Variants in ZFHX3 observed in about 807,000 individuals in gnomAD.
ZFHX3 encodes the protein zinc finger homeobox 3, also known as zinc finger homeobox protein 3.
A neutral mutation model predicts 279.1 loss-of-function variants in ZFHX3; 42 were observed. The observed-to-expected ratio is 0.15, with a 90% CI of 0.12 to 0.19. ZFHX3 has a LOEUF of 0.19. Among genes scored for constraint, ZFHX3 ranks in the 10% least tolerant of loss-of-function variants. ZFHX3 has a pLI of 1.00. For missense variants in ZFHX3, 4,981 were observed against 4,754.0 expected (o/e 1.05, Z -1.40); for synonymous variants, 2,293 against 1,957.8 (o/e 1.17, Z -4.52).
intron 4 of ZFHX3, among the ~76,000 whole-genome samples, chr16:72,874,274 T>C (rs2038247343): frequency 7.0e-6 from 1 of 143,326 alleles, no homozygotes. Context: ...TGGCACAATC[T>C]CGGCTCGCTG....
intron 3 of ZFHX3, among the ~76,000 whole-genome samples, chr16:72,895,280 A>G (rs532948786): frequency 1.1e-4 from 16 of 152,304 alleles, no homozygotes; most frequent in African/African-American, 3.8e-4. Flanking sequence ...CTGTTTTGAG[A>G]ATATACTTCC....
At chr16:73,596,797 C>T (rs1368891393) in intron 2 of ZFHX3, among the ~76,000 whole-genome samples, 2 of 152,162 alleles carry the variant, frequency 1.3e-5, no homozygotes, top group Admixed American at 1.3e-4. Flanking sequence ...CTATAACTCA[C>T]TATGCTATTT....
intron 1 of ZFHX3, among the ~76,000 whole-genome samples, chr16:73,851,416 C>G (rs980569715): frequency 6.6e-6 from 1 of 152,210 alleles, no homozygotes; most frequent in Non-Finnish European, 1.5e-5. Flanking sequence ...CCTTGGAAAG[C>G]ATACCGACTT....
At chr16:73,140,138 C>T (rs547708080) in intron 6 of ZFHX3, among the ~76,000 whole-genome samples, 26 of 152,140 alleles carry the variant, frequency 1.7e-4, no homozygotes, top group Middle Eastern at 6.8e-3. Flanking sequence ...ATGGTGGGCA[C>T]GTGCCTGTAT....
chr16:73,472,181 A>C (rs907697349), intron 2 of ZFHX3, among the ~76,000 whole-genome samples: 1 of 151,542 alleles, frequency 6.6e-6, no homozygotes, highest in African/African-American at 2.4e-5. Flanking sequence ...GAAAACACCC[A>C]GGGAGAATTA....
intron 8 of ZFHX3, among the ~76,000 whole-genome samples, chr16:73,083,003 G>A (rs1965967904): frequency 6.9e-6 from 1 of 145,612 alleles, no homozygotes; most frequent in African/African-American, 2.6e-5. Flanking sequence ...GGCCAACATG[G>A]TGAAACTCCA....
intron 1 of ZFHX3, among the ~76,000 whole-genome samples, chr16:73,791,980 CT>C (rs1485309194): frequency 6.6e-6 from 1 of 152,134 alleles, no homozygotes; most frequent in Admixed American, 6.5e-5. Context: ...AGAGCAAGAA[CT>C]TTGTCTAATG....
In ZFHX3 at chr16:73,887,231, C is replaced by T. The variant is rs563979416; in HGVS notation, c.-1608+4420G>A. Among the ~76,000 whole-genome samples, 33 of 152,138 alleles carry T rather than the reference C, an allele frequency of 2.2e-4. No individual in the cohort carries two copies. In the East Asian group the frequency reaches 4.6e-3, roughly 21 times the overall value. Reference sequence around the variant, plus strand: ...ATCTCTAGCTGTGACAGCGTGTTGGCGGCAAAGCAAATTTGAACTCCCAGG... The same window carrying T: ...ATCTCTAGCTGTGACAGCGTGTTGGTGGCAAAGCAAATTTGAACTCCCAGG... On this transcript the variant is annotated intron_variant, in intron 1 of 17. Transcript: ENST00000641206.
At chr16:73,316,324 G>A (rs2015446776) in intron 4 of ZFHX3, among the ~76,000 whole-genome samples, 1 of 152,142 alleles carries the variant, frequency 6.6e-6, no homozygotes, top group Admixed American at 6.5e-5. Context: ...TTTGTTTCCA[G>A]GCACAGGCTG....
intron 8 of ZFHX3, among the ~76,000 whole-genome samples, chr16:73,083,132 G>A (rs893579717): frequency 1.3e-5 from 2 of 152,086 alleles, no homozygotes; most frequent in African/African-American, 4.8e-5. Context: ...GAACCCAGGA[G>A]GTAGAGGTTG....
At chr16:73,359,901 T>A (rs1033623886) in intron 3 of ZFHX3, among the ~76,000 whole-genome samples, 19 of 110,018 alleles carry the variant, frequency 1.7e-4, no homozygotes, top group African/African-American at 4.8e-4. Context: ...TCATGTTAGA[T>A]GGGATTTTTT....
chr16:73,021,902 C>A (rs2144652490), intron 1 of ZFHX3, among the ~76,000 whole-genome samples: 1 of 149,972 alleles, frequency 6.7e-6, no homozygotes, highest in African/African-American at 2.5e-5. Flanking sequence ...GAAATGCACA[C>A]AAGGAAGACA....
chr16:73,350,457 A>G (rs2016217825), intron 3 of ZFHX3, among the ~76,000 whole-genome samples: 1 of 152,092 alleles, frequency 6.6e-6, no homozygotes, highest in South Asian at 2.1e-4. Context: ...AAAGACCCAT[A>G]ATTCCGGCCA....
chr16:73,323,488 T>G (rs967634645), intron 3 of ZFHX3, among the ~76,000 whole-genome samples: 4 of 151,984 alleles, frequency 2.6e-5, no homozygotes, highest in African/African-American at 4.8e-5. Context: ...AACAAGAGTG[T>G]GGAAGATAAA....
At chr16:73,273,916 G>C (rs941860587) in intron 4 of ZFHX3, among the ~76,000 whole-genome samples, 1 of 152,202 alleles carries the variant, frequency 6.6e-6, no homozygotes, top group Non-Finnish European at 1.5e-5. Flanking sequence ...GCCGAGGCGG[G>C]TGGATCACCC....
chr16:73,451,475 C>A (rs993155076), intron 3 of ZFHX3, among the ~76,000 whole-genome samples: 4 of 152,160 alleles, frequency 2.6e-5, no homozygotes, highest in Non-Finnish European at 5.9e-5. Context: ...CTAGTCAACG[C>A]ACTAAATATC....
chr16:73,230,151 G>A (rs1448255255), intron 5 of ZFHX3, among the ~76,000 whole-genome samples: 2 of 152,156 alleles, frequency 1.3e-5, no homozygotes, highest in Admixed American at 6.5e-5. Flanking sequence ...TGACTTGGAA[G>A]CAGAATAAAT....
At chr16:73,680,972 A>T (rs2053004629) in intron 1 of ZFHX3, among the ~76,000 whole-genome samples, 2 of 152,214 alleles carry the variant, frequency 1.3e-5, no homozygotes, top group Non-Finnish European at 1.5e-5. Context: ...CCAAGGAAGA[A>T]ATTAAAAGTC....
chr16:73,796,365 T>C (rs1002330523), intron 1 of ZFHX3: 1 of 152,144 alleles, frequency 6.6e-6, no homozygotes, highest in African/African-American at 2.4e-5. Flanking sequence ...AGCAAAGAAA[T>C]GAACCAATCT....
Sources: gnomAD v4.1 joint callset for allele counts (sites outside exome capture counted in the v4.1 genomes callset) on GRCh38, gnomAD v4.1.1 for gene constraint, MANE v1.5 for transcripts, NCBI Gene and HGNC (gene_info 2026-07-23, HGNC 2026-07-21) for gene names.